EFCAB14: variants seen among roughly 807,000 people sequenced by gnomAD.
EFCAB14 encodes EF-hand calcium binding domain 14, also known as EF-hand calcium-binding domain-containing protein 14.
Under a neutral mutation model 56.5 loss-of-function variants are expected in EFCAB14, and 43 were observed. That is an observed-to-expected ratio of 0.76 (90% CI 0.60 to 0.98). EFCAB14 has a LOEUF of 0.98. Among genes scored for constraint, EFCAB14 ranks in the 50% least tolerant of loss-of-function variants. The pLI, the probability that EFCAB14 is intolerant of heterozygous loss-of-function variation, is 0.00. For synonymous variants in EFCAB14, 235 were observed against 212.9 expected (o/e 1.10, Z -0.90); for missense variants, 538 against 580.3 (o/e 0.93, Z 0.75).
intron 3 of EFCAB14, among the ~76,000 whole-genome samples, chr1:46,704,138 A>G (rs1677200687): frequency 6.6e-6 from 1 of 151,752 alleles, no homozygotes; most frequent in Non-Finnish European, 1.5e-5. Context: ...TTACTTTTCT[A>G]TTTCCTCCAT....
chr1:46,717,398 G>C (rs1281186978), intron 1 of EFCAB14, among the ~76,000 whole-genome samples: 6 of 152,138 alleles, frequency 3.9e-5, no homozygotes, highest in Admixed American at 6.5e-5. Flanking sequence ...TGAATGGCTA[G>C]GGAAAATGAT....
At chr1:46,707,805 T>A (rs1677254463) in intron 3 of EFCAB14, 101 bp downstream of exon 3, 1 of 1,231,064 alleles carries the variant, frequency 8.1e-7, no homozygotes, top group Non-Finnish European at 1.1e-6. Flanking sequence ...TAAAACAAAC[T>A]GAAATGAATT....
chr1:46,682,738 C>T (rs1198313667), intron 10 of EFCAB14, among the ~76,000 whole-genome samples: 1 of 152,194 alleles, frequency 6.6e-6, no homozygotes, highest in Non-Finnish European at 1.5e-5. Context: ...AAAGTGCAAG[C>T]TTCGGCCAGG....
rs151155208 is a variant in EFCAB14 at position 46,684,687 on chromosome 1, C to T, written c.1075-85G>A. 2.6e-6 allele frequency: 3 copies of T among 1,139,376 alleles called. No individual in the cohort carries two copies. The African/African-American group carries it at 4.6e-5, about 17-fold the overall frequency. The allele number at this position is 1,139,376 out of a possible 1,614,324, so 70.6% of individuals were successfully genotyped here. ...CACTGTATTCCCAGAGCCTGTTTAG[C>T]ATGTAGTGTTTGACCCTCAGTAGGT... On this transcript the variant is annotated intron_variant, in intron 8 of 10. Transcript: ENST00000371933.
At chr1:46,681,651 C>T (rs892039160) in intron 10 of EFCAB14, among the ~76,000 whole-genome samples, 2 of 135,042 alleles carry the variant, frequency 1.5e-5, no homozygotes, top group Non-Finnish European at 3.1e-5. Context: ...AAGTGGCTAG[C>T]TGAAGAGTTC....
chr1:46,680,270 G>A (rs1314537235), intron 10 of EFCAB14, among the ~76,000 whole-genome samples: 3 of 152,278 alleles, frequency 2.0e-5, no homozygotes, highest in Admixed American at 6.5e-5. Flanking sequence ...GAATGTTCAT[G>A]GCAGCATTAC....
chr1:46,717,794 C>T, intron 1 of EFCAB14, 109 bp downstream of exon 1: 2 of 1,228,746 alleles, frequency 1.6e-6, no homozygotes, highest in Non-Finnish European at 2.3e-6. Context: ...CTTCCAAGGC[C>T]TACACCCTTT....
intron 10 of EFCAB14, among the ~76,000 whole-genome samples, chr1:46,679,630 T>TTTTTC: frequency 9.6e-6 from 1 of 104,216 alleles, no homozygotes; most frequent in Non-Finnish European, 1.8e-5. Flanking sequence ...TTTTTTTTTT[T>TTTTTC]GGTGGAGTCT....
chr1:46,677,165 G>C lies in EFCAB14; in HGVS notation c.*1296C>G, dbSNP rs1184098839. On this transcript the variant is annotated 3_prime_UTR_variant, in exon 11 of 11. Transcript: ENST00000371933. The stretch of plus-strand genomic sequence containing the variant: ...TCAATCTAGGGATCTTTCATGCCAG[G>C]TCCACAGAAGCATTTAAAGGAAGTA... The C allele has an allele frequency of 6.6e-6, 1 of 152,560 alleles. No homozygotes were observed. Among genetic ancestry groups the C allele is most frequent in the African/African-American group, 2.4e-5 (1 of 41,420 alleles). 9.5% of individuals were successfully genotyped at this position (152,560 alleles called of 1,614,324 possible).
intron 3 of EFCAB14, among the ~76,000 whole-genome samples, chr1:46,696,947 A>T (rs1677085326): frequency 6.6e-6 from 1 of 152,220 alleles, no homozygotes; most frequent in East Asian, 1.9e-4. Context: ...TAAATTACTC[A>T]AAAGATGCTG....
chr1:46,700,681 T>A (rs907704061), intron 3 of EFCAB14, among the ~76,000 whole-genome samples: 6 of 152,230 alleles, frequency 3.9e-5, no homozygotes, highest in Admixed American at 3.9e-4. Flanking sequence ...AGAAATCTTA[T>A]AAAATAGCTC....
At chr1:46,692,376 A>G (rs537646120) in intron 4 of EFCAB14, among the ~76,000 whole-genome samples, 2 of 152,356 alleles carry the variant, frequency 1.3e-5, no homozygotes, top group Admixed American at 6.5e-5. Flanking sequence ...GCTGTGTTCA[A>G]TATTTGACTA....
In EFCAB14 at chr1:46,688,635, A is replaced by G. The variant is rs545343648; in HGVS notation, c.796-91T>C. 6.5e-6 allele frequency: 7 copies of G among 1,070,046 alleles called. No individual in the cohort carries two copies. In the South Asian group the frequency reaches 1.1e-4, roughly 17 times the overall value. The allele number at this position is 1,070,046 out of a possible 1,614,324, so 66.3% of individuals were successfully genotyped here. Reference sequence around the variant, plus strand: ...GCACCGAACAACCATTACTATGTCAAGTACTGAAGTAAACTCCTTTTCCTG... The same window carrying G: ...GCACCGAACAACCATTACTATGTCAGGTACTGAAGTAAACTCCTTTTCCTG... On this transcript the variant is annotated intron_variant, in intron 6 of 10. Coordinates refer to ENST00000371933, the MANE Select transcript of EFCAB14 (RefSeq NM_014774.3).
chr1:46,684,352 G>T (rs1377522553), intron 9 of EFCAB14, 139 bp downstream of exon 9: 2 of 645,580 alleles, frequency 3.1e-6, no homozygotes, highest in Admixed American at 2.8e-5. Flanking sequence ...AAAGCAAAGT[G>T]TATCAGCTTC....
At chr1:46,701,067 T>C (rs1677149342) in intron 3 of EFCAB14, among the ~76,000 whole-genome samples, 1 of 151,956 alleles carries the variant, frequency 6.6e-6, no homozygotes, top group Non-Finnish European at 1.5e-5. Flanking sequence ...ATAGGATTTC[T>C]GTATGTGTTT....
intron 4 of EFCAB14, among the ~76,000 whole-genome samples, chr1:46,695,618 T>C (rs1255842933): frequency 6.6e-6 from 1 of 152,198 alleles, no homozygotes; most frequent in Non-Finnish European, 1.5e-5. Flanking sequence ...GGGAATCCCT[T>C]CTTCCATTTC....
chr1:46,694,879 C>T (rs1677055857), intron 4 of EFCAB14, among the ~76,000 whole-genome samples: 1 of 152,110 alleles, frequency 6.6e-6, no homozygotes, highest in Admixed American at 6.5e-5. Flanking sequence ...AGATATACAC[C>T]ATGGAATACT....
intron 10 of EFCAB14, among the ~76,000 whole-genome samples, chr1:46,681,668 T>TC (rs745371550): frequency 2.0e-4 from 31 of 151,416 alleles, no homozygotes. Flanking sequence ...GTTCTGTTTT[T>TC]TTTTTTCTTT....
rs1676846564 is a variant in EFCAB14 at position 46,684,492 on chromosome 1, T to A, written c.1185A>T (p.Glu395Asp). The A allele has an allele frequency of 1.2e-6, 2 of 1,613,530 alleles. No homozygotes were observed. The highest frequency in any genetic ancestry group is 1.1e-5 in the South Asian group (1 of 91,066). Reference protein sequence around the residue: ...ESNRPPETADEEQVESFTSKP... With the variant: ...ESNRPPETADDEQVESFTSKP... ...TTAAGAAGCCGGCTCTGCTCTCACC[T>A]TCATCGGCGGTCTCTGGAGGCCTGT... Residue 395 changes from glutamate to aspartate, a missense_variant and splice_region_variant, in exon 9 of 11, where the codon GAA becomes GAT. By Grantham distance (45) the Glu-to-Asp change is conservative. Coordinates refer to ENST00000371933, the MANE Select transcript of EFCAB14 (RefSeq NM_014774.3).
Sources: allele counts gnomAD v4.1 joint callset (sites outside exome capture counted in the v4.1 genomes callset), GRCh38; gene constraint gnomAD v4.1.1; transcripts MANE v1.5; gene names NCBI Gene and HGNC (gene_info 2026-07-23, HGNC 2026-07-21).